Variants in UGGT2 observed in about 807,000 individuals in gnomAD.
UGGT2 encodes UDP-glucose glycoprotein glucosyltransferase 2.
In UGGT2, 180 loss-of-function variants were observed where a neutral mutation model predicts 192.1. The ratio of observed to expected loss-of-function variants is 0.94; its 90% confidence interval spans 0.83 to 1.06. The LOEUF (loss-of-function observed/expected upper bound fraction) is 1.06. UGGT2 is among the 50% of genes least tolerant of loss of function. The pLI is 0.00. For missense variants in UGGT2, 1,849 were observed against 1,795.7 expected (o/e 1.03, Z -0.54); for synonymous variants, 580 against 591.0 (o/e 0.98, Z 0.27).
rs528305209 is a variant in UGGT2, at chr13:95,854,472, C to G, written c.4012G>C (p.Val1338Leu). ...CGAAGTTCTTTTAGATCATGTCTCA[C>G]AATCTAAATAATTAAAATAGACTGT... is the stretch of plus-strand genomic sequence containing the variant. ...KIIFVDADQI[V>L]RHDLKELRDF... Residue 1338 changes from valine to leucine, a missense_variant, in exon 35 of 39, where the codon GTG becomes CTG. Physicochemically the swap from Val to Leu is conservative, Grantham distance 32. Coordinates refer to ENST00000376747, the MANE Select transcript of UGGT2 (RefSeq NM_020121.4). The G allele has an allele frequency of 6.2e-7, 1 of 1,601,622 alleles. No individual in the cohort carries two copies. The highest frequency in any genetic ancestry group is 8.5e-7 in the Non-Finnish European group (1 of 1,175,550).
chr13:95,889,069 C>T (rs1056971362), intron 25 of UGGT2, among the ~76,000 whole-genome samples: 3 of 152,008 alleles, frequency 2.0e-5, no homozygotes, highest in Non-Finnish European at 4.4e-5. Context: ...CCTGCTTTGG[C>T]TAATTCCGTA....
rs745775681 is a variant in UGGT2 at position 95,990,076 on chromosome 13, G to T, written c.831-3C>A. ...CTCTAAGATCTGAATATATTTCTCT[G>T]CATCAAAATATTAAGTGATGTTAAG... On this transcript the variant is annotated splice_region_variant and splice_polypyrimidine_tract_variant and intron_variant, in intron 7 of 38. Coordinates refer to ENST00000376747, the MANE Select transcript of UGGT2 (RefSeq NM_020121.4). 6.3e-7 allele frequency: 1 copy of T among 1,578,252 alleles called. No individual in the cohort carries two copies.
chr13:95,891,720 T>G (rs995276559), intron 24 of UGGT2, among the ~76,000 whole-genome samples: 15 of 152,172 alleles, frequency 9.9e-5, no homozygotes, highest in Non-Finnish European at 2.2e-4. Flanking sequence ...TAGGATGAAT[T>G]AATTATACAT....
At chr13:95,978,028 A>G (rs551454598) in intron 10 of UGGT2, among the ~76,000 whole-genome samples, 2 of 151,996 alleles carry the variant, frequency 1.3e-5, no homozygotes, top group African/African-American at 4.8e-5. Context: ...GCCAGGGGGT[A>G]GGGGGCAAGG....
At chr13:95,904,910 C>T (rs1248900328) in intron 20 of UGGT2, among the ~76,000 whole-genome samples, 2 of 151,448 alleles carry the variant, frequency 1.3e-5, no homozygotes, top group African/African-American at 2.4e-5. Flanking sequence ...ACAGTCCCAC[C>T]AACAGTGTAA....
intron 1 of UGGT2, among the ~76,000 whole-genome samples, chr13:96,049,645 A>G (rs1343469181): frequency 2.6e-5 from 4 of 152,226 alleles, no homozygotes; most frequent in African/African-American, 9.7e-5. Flanking sequence ...AGGATACAAA[A>G]TCAATGTACA....
At chr13:95,885,969 G>C (rs1337673508) in intron 26 of UGGT2, among the ~76,000 whole-genome samples, 2 of 152,108 alleles carry the variant, frequency 1.3e-5, no homozygotes, top group East Asian at 1.9e-4. Context: ...CTCTAGAGGA[G>C]AGAAAGTTAA....
At chr13:95,834,573 G>T (rs1351251299) in intron 37 of UGGT2, among the ~76,000 whole-genome samples, 1 of 152,048 alleles carries the variant, frequency 6.6e-6, no homozygotes, top group Non-Finnish European at 1.5e-5. Flanking sequence ...TCTTCTGTTA[G>T]GCCATTTCCT....
At chr13:95,953,985 T>C (rs2050141962) in intron 12 of UGGT2, among the ~76,000 whole-genome samples, 1 of 152,158 alleles carries the variant, frequency 6.6e-6, no homozygotes, top group Admixed American at 6.5e-5. Context: ...AAGTCAAATA[T>C]ACTACAGGTT....
At chr13:95,828,037 A>G (rs1054306087) in intron 38 of UGGT2, among the ~76,000 whole-genome samples, 3 of 152,096 alleles carry the variant, frequency 2.0e-5, no homozygotes, top group African/African-American at 7.2e-5. Flanking sequence ...ACCCTTAAAA[A>G]TCACTAGTCA....
chr13:95,902,965 A>G lies in UGGT2; in HGVS notation c.2391T>C (p.Ala797=), dbSNP rs767488138. The change falls in exon 21 of 39, where the codon GCT becomes GCC. Residue 797 remains alanine (A), a synonymous_variant. Transcript: ENST00000376747. ...NTAISRGILA[A]FLTQKNMFLR... The stretch of plus-strand genomic sequence containing the variant: ...AAAACATGTTCTTCTGTGTAAGAAA[A>G]GCTGCCAAAATTCCTCTAGAAATAG... The G allele has an allele frequency of 6.2e-7, 1 of 1,613,598 alleles. No homozygotes were observed. Among genetic ancestry groups the G allele is most frequent in the Admixed American group, 1.7e-5 (1 of 59,954 alleles).
intron 12 of UGGT2, among the ~76,000 whole-genome samples, chr13:95,965,319 T>C (rs1205564273): frequency 6.7e-6 from 1 of 149,808 alleles, no homozygotes; most frequent in Non-Finnish European, 1.5e-5. Context: ...CTATTCACAA[T>C]AGCAAAGACT....
At chr13:95,919,957 C>G (rs1007300759) in intron 20 of UGGT2, among the ~76,000 whole-genome samples, 1 of 152,026 alleles carries the variant, frequency 6.6e-6, no homozygotes, top group Non-Finnish European at 1.5e-5. Flanking sequence ...TCAAAATATA[C>G]AAGGCTACAG....
chr13:96,038,448 G>GT (rs2053068395), intron 1 of UGGT2, among the ~76,000 whole-genome samples: 1 of 152,134 alleles, frequency 6.6e-6, no homozygotes, highest in African/African-American at 2.4e-5. Context: ...CACAAGTAAG[G>GT]TATCAATGAG....
intron 22 of UGGT2, among the ~76,000 whole-genome samples, chr13:95,898,044 T>A (rs2140269655): frequency 6.6e-6 from 1 of 152,198 alleles, no homozygotes; most frequent in South Asian, 2.1e-4. Flanking sequence ...CACACCAAAG[T>A]CCCTGGACAA....
At chr13:95,846,296 G>A (rs953672162) in intron 36 of UGGT2, among the ~76,000 whole-genome samples, 5 of 152,096 alleles carry the variant, frequency 3.3e-5, no homozygotes, top group Non-Finnish European at 7.4e-5. Context: ...GTGGCAGCGC[G>A]CGCCTGCAAT....
intron 30 of UGGT2, among the ~76,000 whole-genome samples, chr13:95,864,372 A>G (rs1428183215): frequency 6.6e-6 from 1 of 152,210 alleles, no homozygotes; most frequent in African/African-American, 2.4e-5. Context: ...CTTGAAAATC[A>G]GTAAAAAGTT....
chr13:95,894,551 T>C lies in UGGT2; in HGVS notation c.2855+11A>G. The C allele has an allele frequency of 6.2e-7, 1 of 1,602,486 alleles. No individual in the cohort carries two copies. Among genetic ancestry groups the C allele is most frequent in the African/African-American group, 1.3e-5 (1 of 74,592 alleles). ...CAGAAAAATCACAAACAAATACGAA[T>C]ACATTCTTACCTGTGATTCTCCCTA... On this transcript the variant is annotated intron_variant, in intron 24 of 38. Coordinates refer to ENST00000376747, the MANE Select transcript of UGGT2 (RefSeq NM_020121.4).
intron 17 of UGGT2, among the ~76,000 whole-genome samples, chr13:95,932,252 T>C (rs1412272021): frequency 6.6e-6 from 1 of 152,106 alleles, no homozygotes; most frequent in African/African-American, 2.4e-5. Flanking sequence ...CAGTGTTTAG[T>C]AATTATCCTT....
Sources: gnomAD v4.1 joint callset for allele counts (sites outside exome capture counted in the v4.1 genomes callset) on GRCh38, gnomAD v4.1.1 for gene constraint, MANE v1.5 for transcripts, NCBI Gene and HGNC (gene_info 2026-07-23, HGNC 2026-07-21) for gene names.